SAP30BP: variants seen among roughly 807,000 people sequenced by gnomAD.
The protein encoded by SAP30BP is SAP30-binding protein.
SAP30BP carries 31 observed loss-of-function variants against 46.3 expected under a neutral mutation model. The observed-to-expected ratio is 0.67, with a 90% CI of 0.50 to 0.90. SAP30BP has a LOEUF of 0.90. SAP30BP is among the 40% of genes least tolerant of loss of function. The pLI, the probability that SAP30BP is intolerant of heterozygous loss-of-function variation, is 0.00. For synonymous variants in SAP30BP, 169 were observed against 144.2 expected, an observed-to-expected ratio of 1.17 and a Z score of -1.23; for missense variants, 312 against 391.0, an observed-to-expected ratio of 0.80 and a Z score of 1.70.
At chr17:75,704,406 C>G (rs1433338528) in intron 8 of SAP30BP, among the ~76,000 whole-genome samples, 1 of 152,234 alleles carries the variant, frequency 6.6e-6, no homozygotes, top group Non-Finnish European at 1.5e-5. Context: ...ATTTTGTCAT[C>G]TTTTAATTTG....
At chr17:75,698,965 G>A (rs185290241) in intron 4 of SAP30BP, among the ~76,000 whole-genome samples, 95 of 152,286 alleles carry the variant, frequency 6.2e-4, no homozygotes, top group African/African-American at 2.0e-3. Flanking sequence ...GGCTGAGGCT[G>A]GAGGATGGCT....
intron 9 of SAP30BP, 69 bp downstream of exon 9, chr17:75,704,883 CAGA>C: frequency 1.6e-6 from 2 of 1,282,160 alleles, no homozygotes; most frequent in East Asian, 2.3e-5. Context: ...TGGCTGAGCC[CAGA>C]AGGTGTCCAG....
rs1313321609 is a variant in SAP30BP, at chr17:75,704,773, G to A, written c.619G>A (p.Glu207Lys). Residue 207 changes from glutamate (E) to lysine (K), a missense_variant, in exon 9 of 11, where the codon GAG (glutamate) becomes AAG (lysine). This residue lies in a region of SAP30BP where 296 missense variants were observed against 346.6 expected (regional missense o/e 0.85). Coordinates refer to ENST00000584667, the MANE Select transcript of SAP30BP (RefSeq NM_013260.8). ...YEALAKAQKI[E>K]MDKLEKAKKE... ...CTTCATAGCCAAGGCCCAGAAAATT[G>A]AGATGGACAAATTGGAAAAGGCCAA... The A allele has an allele frequency of 6.2e-7, 1 of 1,613,850 alleles. No individual in the cohort carries two copies. The highest frequency in any genetic ancestry group is 8.5e-7 in the Non-Finnish European group (1 of 1,179,902).
At chr17:75,687,211 C>T (rs1218414547) in intron 3 of SAP30BP, among the ~76,000 whole-genome samples, 1 of 152,144 alleles carries the variant, frequency 6.6e-6, no homozygotes, top group Non-Finnish European at 1.5e-5. Context: ...TGGCCCATTG[C>T]TTGGTGTATA....
chr17:75,672,590 C>T (rs890104270), intron 3 of SAP30BP, among the ~76,000 whole-genome samples: 1 of 152,038 alleles, frequency 6.6e-6, no homozygotes, highest in Non-Finnish European at 1.5e-5. Context: ...AAACTTCCCC[C>T]CTGTACCCCC....
At chr17:75,695,540 G>A (rs138203862) in intron 4 of SAP30BP, among the ~76,000 whole-genome samples, 2 of 152,298 alleles carry the variant, frequency 1.3e-5, no homozygotes, top group African/African-American at 4.8e-5. Context: ...GGATCTTTAA[G>A]CGGCATCGTT....
intron 3 of SAP30BP, among the ~76,000 whole-genome samples, chr17:75,674,697 GTTTTTTTTT>G (rs66721865): frequency 1.5e-4 from 9 of 61,552 alleles, no homozygotes; most frequent in South Asian, 8.1e-4. Flanking sequence ...TTTGTTTTTT[GTTTTTTTTT>G]TTTTTTTTTT....
chr17:75,705,580 T>C (rs2060483699), intron 9 of SAP30BP: 2 of 1,012,586 alleles, frequency 2.0e-6, no homozygotes, highest in Non-Finnish European at 2.4e-6. Context: ...ATCTCCCTTC[T>C]CTCTCTTTCC....
intron 3 of SAP30BP, chr17:75,672,110 G>T: frequency 2.0e-6 from 1 of 494,458 alleles, no homozygotes; most frequent in South Asian, 2.3e-5. Context: ...AAAGGCGAGA[G>T]GCCTGGCTGA....
At chr17:75,683,033 A>T (rs1185194851) in intron 3 of SAP30BP, among the ~76,000 whole-genome samples, 11 of 132,460 alleles carry the variant, frequency 8.3e-5, no homozygotes, top group Admixed American at 2.6e-4. Context: ...AGAAAAATTT[A>T]TTTTATTTAT....
chr17:75,699,842 C>G lies in SAP30BP; in HGVS notation c.367C>G (p.Pro123Ala). 1 of 1,612,930 alleles carries G rather than the reference C, an allele frequency of 6.2e-7. No homozygotes were observed. Among genetic ancestry groups the G allele is most frequent in the Non-Finnish European group, 8.5e-7 (1 of 1,179,036 alleles). ...SPDEIKIPPE[P>A]PGRCSNHLQD... ...TGATGAAATCAAGATCCCGCCAGAA[C>G]CCCCTGGCAGATGTTCAAATCACTT... is the stretch of plus-strand genomic sequence containing the variant. The change falls in exon 5 of 11, where the codon CCC becomes GCC. Residue 123 changes from proline (P) to alanine (A), a missense_variant. Pro to Ala is a conservative substitution (Grantham distance 27). Transcript: ENST00000584667.
chr17:75,668,488 T>G, intron 1 of SAP30BP, 28 bp from the exon 2 acceptor site: 14 of 1,335,034 alleles, frequency 1.0e-5, no homozygotes, highest in Non-Finnish European at 1.3e-5. Context: ...TTGCTTTTTG[T>G]TTGTTTGTTT....
chr17:75,668,940 C>A (rs1466606165), intron 2 of SAP30BP, among the ~76,000 whole-genome samples: 1 of 152,210 alleles, frequency 6.6e-6, no homozygotes, highest in Non-Finnish European at 1.5e-5. Context: ...TTATAGCAGG[C>A]ATTCATCCTA....
At chr17:75,681,193 G>A (rs1024571179) in intron 3 of SAP30BP, among the ~76,000 whole-genome samples, 2 of 152,210 alleles carry the variant, frequency 1.3e-5, no homozygotes, top group African/African-American at 4.8e-5. Flanking sequence ...TGTGTTTCCT[G>A]TAACAGTTTT....
intron 3 of SAP30BP, chr17:75,683,463 A>G (rs2060115089): frequency 6.6e-6 from 1 of 152,112 alleles, no homozygotes; most frequent in African/African-American, 2.4e-5. Flanking sequence ...AGCCCCACAG[A>G]TTTTCACATC....
chr17:75,683,352 T>TAAC (rs2060112895), intron 3 of SAP30BP, among the ~76,000 whole-genome samples: 2 of 151,324 alleles, frequency 1.3e-5, no homozygotes, highest in Admixed American at 1.3e-4. Context: ...TGGTAAAAAA[T>TAAC]AATAATAATA....
chr17:75,704,700 C>T, intron 8 of SAP30BP, 56 bp from the exon 9 acceptor site: 1 of 1,338,050 alleles, frequency 7.5e-7, no homozygotes, highest in Non-Finnish European at 1.1e-6. Flanking sequence ...AGTAGGCTCC[C>T]TCAGCCCAGA....
At chr17:75,669,630 A>G (rs565208328) in intron 2 of SAP30BP, among the ~76,000 whole-genome samples, 76 of 152,282 alleles carry the variant, frequency 5.0e-4, no homozygotes, top group Middle Eastern at 6.8e-3. Flanking sequence ...GCCTCAAGCA[A>G]TTCCCCTGCC....
intron 9 of SAP30BP, 60 bp downstream of exon 9, chr17:75,704,874 G>C: frequency 7.3e-7 from 1 of 1,373,688 alleles, no homozygotes; most frequent in South Asian, 1.2e-5. Flanking sequence ...GGGTCCTGCT[G>C]GCTGAGCCCA....
Sources: allele counts gnomAD v4.1 joint callset (sites outside exome capture counted in the v4.1 genomes callset), GRCh38; gene constraint gnomAD v4.1.1; regional missense constraint gnomAD v4.1.1; transcripts MANE v1.5; gene names NCBI Gene and HGNC (gene_info 2026-07-23, HGNC 2026-07-21).